The following HADH variants were observed in gnomAD, a reference collection of about 807,000 sequenced individuals.
The protein encoded by HADH is hydroxyacyl-CoA dehydrogenase.
In HADH, 24 loss-of-function variants were observed where a neutral mutation model predicts 32.2. The observed-to-expected ratio is 0.75, with a 90% CI of 0.54 to 1.05. The LOEUF (loss-of-function observed/expected upper bound fraction) is 1.05. Among genes scored for constraint, HADH ranks in the 50% least tolerant of loss-of-function variants. The pLI is 0.00. For synonymous variants in HADH, 139 were observed against 152.5 expected (o/e 0.91, Z 0.65); for missense variants, 350 against 397.1 (o/e 0.88, Z 1.01).
At chr4:108,020,121 C>G (rs1002433335) in intron 4 of HADH, among the ~76,000 whole-genome samples, 1 of 152,156 alleles carries the variant, frequency 6.6e-6, no homozygotes, top group Non-Finnish European at 1.5e-5. Context: ...GTAATGGTGC[C>G]TTAGCGTTGT....
intron 1 of HADH, among the ~76,000 whole-genome samples, chr4:107,999,981 A>T (rs900215276): frequency 2.0e-5 from 3 of 152,244 alleles, no homozygotes; most frequent in Non-Finnish European, 4.4e-5. Flanking sequence ...GTTAAAAGAT[A>T]TATGTATACA....
At chr4:108,018,958 C>T (rs1735791284) in intron 3 of HADH, among the ~76,000 whole-genome samples, 1 of 152,086 alleles carries the variant, frequency 6.6e-6, no homozygotes, top group African/African-American at 2.4e-5. Flanking sequence ...CATATCTACC[C>T]ATGTAACCTT....
rs1394064995 is a variant in HADH, at chr4:108,010,418, T to C, written c.261+531T>C. Among the ~76,000 whole-genome samples, 13 of 34,756 alleles carry C rather than the reference T, an allele frequency of 3.7e-4. No individual in the cohort carries two copies. The Admixed American group carries it at 6.8e-3, about 18-fold the overall frequency. The allele number at this position is 34,756 out of a possible 152,430, so 22.8% of individuals were successfully genotyped here. ...AGAAGGAGTTGGTGACTAAGGGCCA[T>C]GCTGTTTTTCAGCGCACTTTCACTT... is the stretch of plus-strand genomic sequence containing the variant. On this transcript the variant is annotated intron_variant, in intron 2 of 7. Transcript: ENST00000309522.
At position 107,990,190 on chromosome 4, in the gene HADH, C is replaced by T. The variant is rs543248390; in HGVS notation, c.132+126C>T. 302 of 975,432 alleles carry T rather than the reference C, an allele frequency of 3.1e-4. 1 individual carries two copies. In the African/African-American group the frequency reaches 4.4e-3, roughly 14 times the overall value. 60.4% of individuals were successfully genotyped at this position (975,432 alleles called of 1,614,324 possible). ...CCAGGGAGTTTTCACCCCGCGCCTC[C>T]CGGGTGTAGTTGAAATATCTCGCGT... On this transcript the variant is annotated intron_variant, in intron 1 of 7. Transcript: ENST00000309522.
intron 6 of HADH, chr4:108,029,009 G>A: frequency 2.5e-6 from 1 of 397,836 alleles, no homozygotes; most frequent in Non-Finnish European, 4.4e-6. Context: ...AGCTTGCTCT[G>A]GGCATGGGCT....
At chr4:108,031,879 T>C in intron 6 of HADH, 1 of 153,922 alleles carries the variant, frequency 6.5e-6, no homozygotes, top group Non-Finnish European at 1.4e-5. Flanking sequence ...GCTGCCTATA[T>C]GATTATTTTT....
chr4:108,016,123 G>A (rs926907261), intron 3 of HADH, among the ~76,000 whole-genome samples: 3 of 152,064 alleles, frequency 2.0e-5, no homozygotes, highest in African/African-American at 7.2e-5. Context: ...ATTCTTCCTG[G>A]CAGAATGTAC....
At chr4:107,998,785 CATT>C (rs1377060169) in intron 1 of HADH, among the ~76,000 whole-genome samples, 2 of 151,910 alleles carry the variant, frequency 1.3e-5, no homozygotes, top group Non-Finnish European at 2.9e-5. Context: ...AGGTTTTTAA[CATT>C]ATACTGTGAT....
intron 5 of HADH, chr4:108,024,768 G>A (rs1445095464): frequency 1.3e-5 from 2 of 152,188 alleles, no homozygotes; most frequent in Non-Finnish European, 2.9e-5. Flanking sequence ...AAAAAGATAT[G>A]GAAACAGAAG....
At chr4:108,008,573 C>T (rs1735366381) in intron 1 of HADH, among the ~76,000 whole-genome samples, 1 of 152,082 alleles carries the variant, frequency 6.6e-6, no homozygotes, top group South Asian at 2.1e-4. Flanking sequence ...GTTTTGGTTG[C>T]CTTGCTTCAA....
In HADH at chr4:108,034,279, C is replaced by A. The variant is rs959508659; in HGVS notation, c.867C>A (p.Pro289=). The A allele has an allele frequency of 1.2e-6, 2 of 1,613,640 alleles. No individual in the cohort carries two copies. Among genetic ancestry groups the A allele is most frequent in the Admixed American group, 3.3e-5 (2 of 60,024 alleles). Residue 289 remains proline, a synonymous_variant, in exon 8 of 8, where the codon CCC becomes CCA. Coordinates refer to ENST00000309522, the MANE Select transcript of HADH (RefSeq NM_005327.7). ...ATGCAGAGAACCCATTACATCAGCC[C>A]AGCCCATCCTTAAATAAGCTGGTAG... is the stretch of plus-strand genomic sequence containing the variant. The part of the protein sequence containing the change: ...EMDAENPLHQ[P]SPSLNKLVAE...
intron 2 of HADH, among the ~76,000 whole-genome samples, 183 bp downstream of exon 2, chr4:108,010,070 G>A (rs1225008297): frequency 6.6e-6 from 1 of 151,226 alleles, no homozygotes; most frequent in Non-Finnish European, 1.5e-5. Context: ...CATTCAGGGG[G>A]TACTGATTAC....
intron 1 of HADH, among the ~76,000 whole-genome samples, chr4:107,994,404 C>G (rs535554278): frequency 3.3e-5 from 5 of 152,162 alleles, no homozygotes; most frequent in Non-Finnish European, 7.3e-5. Flanking sequence ...AAGCTTCTCC[C>G]CAGCCACTGG....
chr4:108,003,714 CA>C (rs1172201398), intron 1 of HADH, among the ~76,000 whole-genome samples: 1 of 151,064 alleles, frequency 6.6e-6, no homozygotes, highest in African/African-American at 2.4e-5. Context: ...GATGTGAGAT[CA>C]AAAGCAAAAT....
intron 1 of HADH, among the ~76,000 whole-genome samples, chr4:107,996,223 A>G (rs1003172946): frequency 5.3e-5 from 8 of 152,138 alleles, no homozygotes; most frequent in Non-Finnish European, 1.2e-4. Flanking sequence ...TTCAGCAAAA[A>G]CTAAAAGAAA....
At chr4:107,992,152 C>G (rs1342486150) in intron 1 of HADH, among the ~76,000 whole-genome samples, 2 of 152,124 alleles carry the variant, frequency 1.3e-5, no homozygotes, top group East Asian at 1.9e-4. Context: ...GCTTGTCAAT[C>G]AAACTCTTAA....
intron 1 of HADH, among the ~76,000 whole-genome samples, chr4:108,002,278 T>C (rs1464329965): frequency 2.6e-5 from 4 of 152,210 alleles, no homozygotes; most frequent in Non-Finnish European, 5.9e-5. Context: ...CTTGCATTGC[T>C]ACCTGAGCTC....
intron 1 of HADH, among the ~76,000 whole-genome samples, chr4:107,993,042 A>G (rs1037605376): frequency 1.3e-5 from 2 of 152,200 alleles, no homozygotes; most frequent in African/African-American, 4.8e-5. Context: ...CTTGAACCTG[A>G]GAGGTGGAGG....
intron 6 of HADH, chr4:108,032,310 C>T (rs199597470): frequency 5.1e-5 from 79 of 1,550,306 alleles, no homozygotes; most frequent in Non-Finnish European, 4.2e-5. Flanking sequence ...TGATCCTTGT[C>T]GTAGTCTACT....
Sources: allele counts gnomAD v4.1 joint callset (sites outside exome capture counted in the v4.1 genomes callset), GRCh38; gene constraint gnomAD v4.1.1; transcripts MANE v1.5; gene names NCBI Gene and HGNC (gene_info 2026-07-23, HGNC 2026-07-21).